The following MICAL3 variants were observed in gnomAD, a reference collection of about 807,000 sequenced individuals.
The protein encoded by MICAL3 is microtubule associated monooxygenase, calponin and LIM domain containing 3, also known as [F-actin]-monooxygenase MICAL3.
A neutral mutation model predicts 207.4 loss-of-function variants in MICAL3; 62 were observed. That is an observed-to-expected ratio of 0.30 (90% CI 0.24 to 0.37). MICAL3 has a LOEUF of 0.37. Ranked by LOEUF, MICAL3 falls within the 10% of genes least tolerant of loss-of-function variation. The probability of loss-of-function intolerance (pLI) is 1.00; values close to 1 mark genes in which losing one functional copy is unlikely to be tolerated. For synonymous variants in MICAL3, 1,077 were observed against 1,069.3 expected (o/e 1.01, Z -0.14); for missense variants, 2,368 against 2,635.6 (o/e 0.90, Z 2.22).
chr22:17,835,894 G>C (rs747952117), intron 20 of MICAL3, among the ~76,000 whole-genome samples: 3 of 152,362 alleles, frequency 2.0e-5, no homozygotes, highest in Non-Finnish European at 2.9e-5. Context: ...CAGGACAGCA[G>C]GAATGTGCCA....
intron 1 of MICAL3, among the ~76,000 whole-genome samples, chr22:17,924,317 C>T (rs1932864772): frequency 6.6e-6 from 1 of 152,140 alleles, no homozygotes; most frequent in African/African-American, 2.4e-5. Flanking sequence ...GCACAGCCAG[C>T]GGATCAGGCA....
At chr22:17,984,580 A>G (rs1257237729) in intron 1 of MICAL3, among the ~76,000 whole-genome samples, 3 of 141,242 alleles carry the variant, frequency 2.1e-5, no homozygotes, top group African/African-American at 7.9e-5. Context: ...CAGTGAACAC[A>G]GATGGGCTGC....
At position 17,793,287 on chromosome 22, in the gene MICAL3, G is replaced by C. The variant is rs1246860653; in HGVS notation, c.5651-1986C>G. On this transcript the variant is annotated intron_variant, in intron 29 of 31. Coordinates refer to ENST00000441493, the MANE Select transcript of MICAL3 (RefSeq NM_015241.3). This position sits in a 1 kb window ranked among gnomAD's most constrained non-coding sequence, Gnocchi z 4.1. ...CACACTCAGCAAGACACGAGGTAGAGAGGTTTGCTTTCAGTGGTTGTTTGG... is the reference window on the plus strand; with the variant it reads ...CACACTCAGCAAGACACGAGGTAGACAGGTTTGCTTTCAGTGGTTGTTTGG... Among the ~76,000 whole-genome samples the C allele has an allele frequency of 6.6e-6, 1 of 152,216 alleles. No homozygotes were observed. Among genetic ancestry groups the C allele is most frequent in the Non-Finnish European group, 1.5e-5 (1 of 68,036 alleles).
At position 17,996,790 on chromosome 22, in the gene MICAL3, T is replaced by C. The variant is rs146401949; in HGVS notation, c.-75+27491A>G. Among the ~76,000 whole-genome samples, 447 of 152,136 alleles carry C rather than the reference T, an allele frequency of 2.9e-3. 3 individuals are homozygous for C. Among genetic ancestry groups the C allele is most frequent in the African/African-American group, 9.6e-3 (397 of 41,518 alleles). ...CCCACCACGCCCACAATGTACTGCA[T>C]TGAAGTACACCGGAAGCTAAAGACC... On this transcript the variant is annotated intron_variant, in intron 1 of 31. Coordinates refer to ENST00000441493, the MANE Select transcript of MICAL3 (RefSeq NM_015241.3).
intron 20 of MICAL3, among the ~76,000 whole-genome samples, chr22:17,837,117 C>T (rs1290362542): frequency 6.6e-6 from 1 of 152,248 alleles, no homozygotes; most frequent in Non-Finnish European, 1.5e-5. Flanking sequence ...AGAAGATGCA[C>T]ATCATGCAGC....
intron 29 of MICAL3, among the ~76,000 whole-genome samples, chr22:17,792,125 A>T (rs1601907140): frequency 6.6e-6 from 1 of 152,336 alleles, no homozygotes; most frequent in Non-Finnish European, 1.5e-5. Flanking sequence ...TGGCAGGAGG[A>T]CAGAAGGAAG....
At chr22:17,917,303 G>A (rs890490046) in intron 1 of MICAL3, among the ~76,000 whole-genome samples, 2 of 152,186 alleles carry the variant, frequency 1.3e-5, no homozygotes, top group Non-Finnish European at 2.9e-5. Context: ...CCGCTCGCCA[G>A]AGCCTGTTCC....
At chr22:17,824,926 C>T (rs896934888) in intron 22 of MICAL3, among the ~76,000 whole-genome samples, 11 of 152,232 alleles carry the variant, frequency 7.2e-5, no homozygotes, top group African/African-American at 2.2e-4. Context: ...GAGGAACAAA[C>T]GCCCCGTTTG....
intron 22 of MICAL3, among the ~76,000 whole-genome samples, chr22:17,824,138 G>C (rs1038646956): frequency 1.3e-5 from 2 of 152,180 alleles, no homozygotes; most frequent in Admixed American, 6.5e-5. Context: ...GGAAGAGGGC[G>C]GCACGCTCTG....
chr22:17,810,688 C>T lies in MICAL3; in HGVS notation c.5556+15G>A. ...TCCCATGCATGTGCCCTGGTCCCAT[C>T]CTCCATGGTTTTACCTGGGCTCGAT... On this transcript the variant is annotated intron_variant, in intron 28 of 31. Transcript: ENST00000441493. 6.2e-7 allele frequency: 1 copy of T among 1,607,316 alleles called. No homozygotes were observed. Among genetic ancestry groups the T allele is most frequent in the Non-Finnish European group, 8.5e-7 (1 of 1,173,936 alleles).
chr22:17,910,883 C>T (rs1430127888), intron 1 of MICAL3, among the ~76,000 whole-genome samples: 1 of 152,234 alleles, frequency 6.6e-6, no homozygotes, highest in Non-Finnish European at 1.5e-5. Context: ...GCCTGTCCTG[C>T]ACCACCCTGT....
Position 17,831,542 on chromosome 22 carries a change from A to C in MICAL3, c.3055+312T>G, listed in dbSNP as rs189881982. On this transcript the variant is annotated intron_variant, in intron 21 of 31. Transcript: ENST00000441493. The stretch of plus-strand genomic sequence containing the variant: ...ATTTTTTCAACTGAAACTACAGGGC[A>C]AAAAGAGAAAACGAGGTGGAGACAA... 3.9e-5 allele frequency among the ~76,000 whole-genome samples: 6 copies of C among 152,338 alleles called. No individual in the cohort carries two copies. In the East Asian group the frequency reaches 9.6e-4, roughly 24 times the overall value.
chr22:17,890,312 G>C (rs1028691934), intron 12 of MICAL3, among the ~76,000 whole-genome samples: 1 of 151,940 alleles, frequency 6.6e-6, no homozygotes, highest in African/African-American at 2.4e-5. Context: ...TGCCTTCCTA[G>C]AAGACGGTCC....
intron 16 of MICAL3, chr22:17,884,265 G>A: frequency 1.3e-6 from 2 of 1,584,818 alleles, no homozygotes; most frequent in South Asian, 1.1e-5. Flanking sequence ...GGCCCTGGCA[G>A]TTCCTTTACC....
At chr22:18,006,639 GCCTGA>G (rs571576112) in intron 1 of MICAL3, 107 of 152,354 alleles carry the variant, frequency 7.0e-4, no homozygotes, top group Middle Eastern at 3.4e-3. Flanking sequence ...TTTGAGACCA[GCCTGA>G]CCAACATGGA....
At chr22:17,886,166 T>A in intron 15 of MICAL3, 115 bp from the exon 16 acceptor site, 1 of 1,107,190 alleles carries the variant, frequency 9.0e-7, no homozygotes, top group Non-Finnish European at 1.3e-6. Context: ...CTGGCTCAGC[T>A]CTCAAGGTTC....
At chr22:17,794,604 G>A (rs573743397) in intron 29 of MICAL3, among the ~76,000 whole-genome samples, 1 of 152,316 alleles carries the variant, frequency 6.6e-6, no homozygotes, top group African/African-American at 2.4e-5. Flanking sequence ...CCAGGAACAG[G>A]GAGAGCCAAC....
intron 1 of MICAL3, among the ~76,000 whole-genome samples, chr22:17,927,138 T>C (rs1271588650): frequency 6.6e-6 from 1 of 152,242 alleles, no homozygotes; most frequent in Admixed American, 6.5e-5. Flanking sequence ...TCTGGCTCTA[T>C]GAATCTGTCT....
intron 19 of MICAL3, among the ~76,000 whole-genome samples, chr22:17,845,425 T>G (rs925594104): frequency 6.6e-6 from 1 of 152,166 alleles, no homozygotes; most frequent in Non-Finnish European, 1.5e-5. Flanking sequence ...AGAGCTTCAG[T>G]AGCACCTGGG....
Sources: gnomAD v4.1 joint callset for allele counts (sites outside exome capture counted in the v4.1 genomes callset) on GRCh38, gnomAD v4.1.1 for gene constraint, Gnocchi (gnomAD v3.1) non-coding constraint, MANE v1.5 for transcripts, NCBI Gene and HGNC (gene_info 2026-07-23, HGNC 2026-07-21) for gene names.